UQCC2: variants seen among roughly 807,000 people sequenced by gnomAD.
UQCC2 encodes breast cancer-associated protein SGA-81M.
UQCC2 carries 21 observed loss-of-function variants against 19.9 expected under a neutral mutation model. That is an observed-to-expected ratio of 1.05 (90% CI 0.75 to 1.52). The LOEUF (loss-of-function observed/expected upper bound fraction) is 1.52. Among genes scored for constraint, UQCC2 ranks in the 40% most tolerant of loss-of-function variants. The pLI is 0.00. For synonymous variants in UQCC2, 57 were observed against 60.9 expected (o/e 0.94, Z 0.30); for missense variants, 135 against 157.5 (o/e 0.86, Z 0.76).
At chr6:33,709,473 A>AT (rs1561892052) in intron 1 of UQCC2, among the ~76,000 whole-genome samples, 1 of 151,824 alleles carries the variant, frequency 6.6e-6, no homozygotes, top group Non-Finnish European at 1.5e-5. Context: ...GAAAGATAAA[A>AT]ATGGCATCAT....
intron 1 of UQCC2, among the ~76,000 whole-genome samples, chr6:33,705,670 C>T (rs993892562): frequency 6.6e-6 from 1 of 152,214 alleles, no homozygotes; most frequent in East Asian, 1.9e-4. Context: ...TCAGTGGAGA[C>T]ATCTGTCGAA....
chr6:33,703,668 C>T (rs1296503916), intron 1 of UQCC2, among the ~76,000 whole-genome samples: 1 of 151,994 alleles, frequency 6.6e-6, no homozygotes, highest in African/African-American at 2.4e-5. Flanking sequence ...TTATCTTTCT[C>T]TGTATCTGTA....
intron 3 of UQCC2, 25 bp from the exon 4 acceptor site, chr6:33,697,775 G>T: frequency 6.3e-7 from 1 of 1,589,974 alleles, no homozygotes; most frequent in Non-Finnish European, 8.6e-7. Context: ...GACAAAAAGA[G>T]AGAGGGACTG....
At chr6:33,708,693 C>CCTG (rs1765729304) in intron 1 of UQCC2, among the ~76,000 whole-genome samples, 1 of 152,220 alleles carries the variant, frequency 6.6e-6, no homozygotes, top group Non-Finnish European at 1.5e-5. Flanking sequence ...AGCCCCACCT[C>CCTG]CTGCTGCCAG....
rs1192040302 is a variant in UQCC2 at position 33,697,254 on chromosome 6, A to G, written c.*399T>C. On this transcript the variant is annotated 3_prime_UTR_variant, in exon 4 of 4. Coordinates refer to ENST00000607484, the MANE Select transcript of UQCC2 (RefSeq NM_032340.4). ...CAACAGGATGCCCTTTTCAGTATTT[A>G]CTGCTATTTTTGGCTTCCTCCCAGG... 5.9e-6 allele frequency: 1 copy of G among 170,236 alleles called. No homozygotes were observed. The highest frequency in any genetic ancestry group is 2.4e-5 in the African/African-American group (1 of 42,072). The allele number at this position is 170,236 out of a possible 1,614,324, so 10.5% of individuals were successfully genotyped here.
chr6:33,704,177 A>C (rs1765672413), intron 1 of UQCC2, among the ~76,000 whole-genome samples: 1 of 152,210 alleles, frequency 6.6e-6, no homozygotes, highest in Admixed American at 6.5e-5. Flanking sequence ...GTTGTAGTAA[A>C]CACAGGCCCC....
At chr6:33,702,870 G>C (rs1471766835) in intron 1 of UQCC2, among the ~76,000 whole-genome samples, 1 of 152,192 alleles carries the variant, frequency 6.6e-6, no homozygotes, top group Non-Finnish European at 1.5e-5. Flanking sequence ...CTGCCTCTCT[G>C]TGCATGTCAA....
chr6:33,700,579 A>G, intron 2 of UQCC2, 66 bp from the exon 3 acceptor site: 1 of 1,553,218 alleles, frequency 6.4e-7, no homozygotes, highest in Non-Finnish European at 8.9e-7. Context: ...CTGCTCTCTA[A>G]CTGCATTTCA....
chr6:33,703,671 TA>T (rs1387429601), intron 1 of UQCC2, among the ~76,000 whole-genome samples: 2 of 152,136 alleles, frequency 1.3e-5, no homozygotes, highest in African/African-American at 4.8e-5. Flanking sequence ...TCTTTCTCTG[TA>T]TCTGTACATA....
chr6:33,700,384 G>A, intron 3 of UQCC2, 60 bp downstream of exon 3: 1 of 1,571,704 alleles, frequency 6.4e-7, no homozygotes, highest in Non-Finnish European at 8.8e-7. Flanking sequence ...ATTCCCCTTG[G>A]CCACTCAAAC....
chr6:33,702,336 CA>C (rs10947431), intron 1 of UQCC2, among the ~76,000 whole-genome samples: 22,291 of 129,704 alleles, frequency 0.17, 1,688 homozygotes, highest in African/African-American at 0.2. Flanking sequence ...TTAGCAAAGG[CA>C]AAAAAAAAAA....
chr6:33,701,496 C>A, intron 1 of UQCC2, 76 bp from the exon 2 acceptor site: 1 of 1,441,478 alleles, frequency 6.9e-7, no homozygotes, highest in Non-Finnish European at 9.5e-7. Context: ...TGAGGAAAGA[C>A]CATACTTAAT....
chr6:33,706,362 G>C (rs1361558771), intron 1 of UQCC2, among the ~76,000 whole-genome samples: 1 of 152,204 alleles, frequency 6.6e-6, no homozygotes, highest in Non-Finnish European at 1.5e-5. Flanking sequence ...TATAGAAAGA[G>C]TGCTCCACTA....
At chr6:33,705,295 T>C (rs993757228) in intron 1 of UQCC2, among the ~76,000 whole-genome samples, 1 of 152,142 alleles carries the variant, frequency 6.6e-6, no homozygotes, top group Non-Finnish European at 1.5e-5. Context: ...CCTCCCAAAG[T>C]GCTGGGATTA....
At chr6:33,707,773 T>C (rs763695593) in intron 1 of UQCC2, among the ~76,000 whole-genome samples, 1 of 152,244 alleles carries the variant, frequency 6.6e-6, no homozygotes, top group African/African-American at 2.4e-5. Flanking sequence ...TTGTGCCACC[T>C]TCCCCCACGT....
At chr6:33,711,101 T>C (rs1765763516) in intron 1 of UQCC2, among the ~76,000 whole-genome samples, 1 of 152,180 alleles carries the variant, frequency 6.6e-6, no homozygotes, top group African/African-American at 2.4e-5. Flanking sequence ...CTCAACTCTC[T>C]CTGCACCTTG....
intron 2 of UQCC2, among the ~76,000 whole-genome samples, chr6:33,700,729 C>CT (rs1336218083): frequency 1.3e-5 from 2 of 152,230 alleles, no homozygotes; most frequent in African/African-American, 4.8e-5. Flanking sequence ...TGAGTCCTCC[C>CT]TGGAAAACGC....
chr6:33,707,346 G>A (rs1043688261), intron 1 of UQCC2, among the ~76,000 whole-genome samples: 1 of 152,226 alleles, frequency 6.6e-6, no homozygotes, highest in Non-Finnish European at 1.5e-5. Context: ...GGTGAGCAAC[G>A]TTGAGATGGC....
At chr6:33,702,686 TC>T (rs1437209749) in intron 1 of UQCC2, among the ~76,000 whole-genome samples, 1 of 152,238 alleles carries the variant, frequency 6.6e-6, no homozygotes, top group African/African-American at 2.4e-5. Flanking sequence ...TATGTATAGT[TC>T]TTTATATTTT....
Sources: allele counts gnomAD v4.1 joint callset (sites outside exome capture counted in the v4.1 genomes callset), GRCh38; gene constraint gnomAD v4.1.1; transcripts MANE v1.5; gene names NCBI Gene and HGNC (gene_info 2026-07-23, HGNC 2026-07-21).